The following GALNT2 variants were observed in gnomAD, a reference collection of about 807,000 sequenced individuals.
GALNT2 encodes polypeptide N-acetylgalactosaminyltransferase 2.
In GALNT2, 31 loss-of-function variants were observed where a neutral mutation model predicts 81.4. The observed-to-expected ratio is 0.38, with a 90% CI of 0.29 to 0.51. The LOEUF (loss-of-function observed/expected upper bound fraction) is 0.51, where lower values mean the gene tolerates loss of function less well. Ranked by LOEUF, GALNT2 falls within the 20% of genes least tolerant of loss-of-function variation. The pLI is 0.87. For missense variants in GALNT2, 629 were observed against 765.7 expected, an observed-to-expected ratio of 0.82 and a Z score of 2.11; for synonymous variants, 303 against 287.4, an observed-to-expected ratio of 1.05 and a Z score of -0.55.
intron 6 of GALNT2, among the ~76,000 whole-genome samples, chr1:230,241,034 T>C (rs1337700485): frequency 6.6e-6 from 1 of 152,256 alleles, no homozygotes; most frequent in East Asian, 1.9e-4. Flanking sequence ...CATTTTTAAG[T>C]TCTGGAATAC....
At chr1:230,172,737 A>G (rs1385334064) in intron 1 of GALNT2, among the ~76,000 whole-genome samples, 3 of 152,166 alleles carry the variant, frequency 2.0e-5, no homozygotes, top group Admixed American at 6.5e-5. Flanking sequence ...TCTTATTTGG[A>G]TCAGAGACAG....
At chr1:230,099,909 C>T (rs911897708) in intron 1 of GALNT2, among the ~76,000 whole-genome samples, 1 of 152,214 alleles carries the variant, frequency 6.6e-6, no homozygotes, top group Non-Finnish European at 1.5e-5. Flanking sequence ...CCTCCTGACT[C>T]TAAGGAACTG....
chr1:230,113,086 G>A (rs1424503849), intron 1 of GALNT2, among the ~76,000 whole-genome samples: 2 of 152,098 alleles, frequency 1.3e-5, no homozygotes, highest in Non-Finnish European at 2.9e-5. Flanking sequence ...AGGTGTTTCT[G>A]GCCTGAGGAA....
chr1:230,065,425 A>ATG (rs756363475), upstream of GALNT2, among the ~76,000 whole-genome samples: 144 of 151,296 alleles, frequency 9.5e-4, no homozygotes, highest in African/African-American at 3.3e-3. Flanking sequence ...TATCCTAGAT[A>ATG]TGTGTGTGTG....
intron 7 of GALNT2, 35 bp from the exon 8 acceptor site, chr1:230,246,028 G>A: frequency 1.9e-6 from 3 of 1,574,244 alleles, no homozygotes; most frequent in Non-Finnish European, 2.6e-6. Context: ...TGTTTTGCTG[G>A]GATTTTGATA....
At chr1:230,181,441 CCTA>C (rs1282634558) in intron 2 of GALNT2, among the ~76,000 whole-genome samples, 17 of 152,254 alleles carry the variant, frequency 1.1e-4, no homozygotes, top group African/African-American at 4.1e-4. Flanking sequence ...TGGCATAAAT[CCTA>C]CTTGATCATG....
In GALNT2 at chr1:230,212,848, T is replaced by C. The variant is rs79242292; in HGVS notation, c.374+9558T>C. On this transcript the variant is annotated intron_variant, in intron 3 of 15. Coordinates refer to ENST00000366672, the MANE Select transcript of GALNT2 (RefSeq NM_004481.5). ...TTTTCTTCCCTTGATATGTTTCCTCTTTTTTTTTGGTCTATTTCAGGCCTT... is the reference window on the plus strand; with the variant it reads ...TTTTCTTCCCTTGATATGTTTCCTCCTTTTTTTTGGTCTATTTCAGGCCTT... 7.4e-3 allele frequency among the ~76,000 whole-genome samples: 1,123 copies of C among 151,516 alleles called. 8 individuals carry two copies. Among genetic ancestry groups the C allele is most frequent in the Middle Eastern group, 0.017 (5 of 294 alleles).
intron 1 of GALNT2, among the ~76,000 whole-genome samples, chr1:230,142,266 A>G (rs1320714395): frequency 1.3e-5 from 2 of 152,056 alleles, no homozygotes; most frequent in Non-Finnish European, 2.9e-5. Context: ...GCCTCCATCC[A>G]CCCGGCCACT....
At chr1:230,126,817 C>T (rs1462004758) in intron 1 of GALNT2, among the ~76,000 whole-genome samples, 1 of 152,176 alleles carries the variant, frequency 6.6e-6, no homozygotes, top group East Asian at 1.9e-4. Context: ...TGAGGAGAGA[C>T]TGAGGCACGC....
intron 1 of GALNT2, among the ~76,000 whole-genome samples, chr1:230,142,060 T>G (rs1275492402): frequency 6.6e-6 from 1 of 152,094 alleles, no homozygotes; most frequent in Non-Finnish European, 1.5e-5. Flanking sequence ...CCCAAAGTGC[T>G]GGGATTACAG....
chr1:230,168,419 G>A (rs1662682249), intron 1 of GALNT2, among the ~76,000 whole-genome samples: 1 of 152,224 alleles, frequency 6.6e-6, no homozygotes, highest in South Asian at 2.1e-4. Flanking sequence ...ATGGTGGCGT[G>A]GAATAGATTC....
At chr1:230,260,685 A>G (rs1053544606) in intron 11 of GALNT2, among the ~76,000 whole-genome samples, 4 of 152,234 alleles carry the variant, frequency 2.6e-5, no homozygotes, top group Admixed American at 2.0e-4. Context: ...ACTTAGCAAA[A>G]CCCCACTAAC....
intron 2 of GALNT2, among the ~76,000 whole-genome samples, chr1:230,186,657 G>T (rs961577997): frequency 6.6e-6 from 1 of 152,202 alleles, no homozygotes; most frequent in Admixed American, 6.5e-5. Flanking sequence ...GGCTGGATTT[G>T]ACCATTGAGA....
chr1:230,081,135 G>T (rs1553310607), intron 1 of GALNT2, among the ~76,000 whole-genome samples: 2 of 152,162 alleles, frequency 1.3e-5, no homozygotes, highest in Non-Finnish European at 2.9e-5. Context: ...TAGGTAGGTG[G>T]GTTGTTTTGG....
At chr1:230,099,822 A>G (rs1319085360) in intron 1 of GALNT2, among the ~76,000 whole-genome samples, 1 of 152,168 alleles carries the variant, frequency 6.6e-6, no homozygotes, top group African/African-American at 2.4e-5. Context: ...TGCCTGTAGG[A>G]AGGGCCAGTC....
intron 1 of GALNT2, among the ~76,000 whole-genome samples, chr1:230,084,137 G>A (rs1167420094): frequency 2.0e-5 from 3 of 152,212 alleles, no homozygotes; most frequent in African/African-American, 7.2e-5. Flanking sequence ...TGGACTGTGA[G>A]TGTCTTGAGG....
chr1:230,227,551 TATAATACAGCC>T (rs1308934940), intron 3 of GALNT2, among the ~76,000 whole-genome samples: 16 of 150,264 alleles, frequency 1.1e-4, no homozygotes, highest in African/African-American at 3.9e-4. Flanking sequence ...ATATATGCTA[TATAATACAGCC>T]ATATATATAT....
rs190336077 is a variant in GALNT2 at position 230,188,737 on chromosome 1, T to C, written c.220+10426T>C. Among the ~76,000 whole-genome samples the C allele has an allele frequency of 2.4e-4, 36 of 152,336 alleles. No homozygotes were observed. In the East Asian group the frequency reaches 4.0e-3, roughly 17 times the overall value. The stretch of plus-strand genomic sequence containing the variant: ...GACCCTTGCTTCTATTTCAGCATCA[T>C]GCTTTCTACTTGGAACCACTGAATT... On this transcript the variant is annotated intron_variant, in intron 2 of 15. Transcript: ENST00000366672.
At chr1:230,066,338 T>C (rs1040748309), upstream of GALNT2, among the ~76,000 whole-genome samples, 2 of 152,294 alleles carry the variant, frequency 1.3e-5, no homozygotes, top group African/African-American at 4.8e-5. Flanking sequence ...TCGTTAAAGA[T>C]GCTTAATGTG....
Sources: allele counts gnomAD v4.1 joint callset (sites outside exome capture counted in the v4.1 genomes callset), GRCh38; gene constraint gnomAD v4.1.1; transcripts MANE v1.5; gene names NCBI Gene and HGNC (gene_info 2026-07-23, HGNC 2026-07-21).